Variants in KCNQ1 observed in about 807,000 individuals in gnomAD.
KCNQ1 encodes potassium voltage-gated channel subfamily KQT member 1.
KCNQ1 carries 49 observed loss-of-function variants against 72.4 expected under a neutral mutation model. The ratio of observed to expected loss-of-function variants is 0.68; its 90% CI spans 0.54 to 0.86. KCNQ1 has a LOEUF of 0.86. Ranked by LOEUF, KCNQ1 falls within the 40% of genes least tolerant of loss-of-function variation. The probability of loss-of-function intolerance (pLI) is 0.00; values close to 1 mark genes in which losing one functional copy is unlikely to be tolerated. For synonymous variants in KCNQ1, 450 were observed against 412.6 expected, an observed-to-expected ratio of 1.09 and a Z score of -1.10; for missense variants, 790 against 945.1, an observed-to-expected ratio of 0.84 and a Z score of 2.15.
chr11:2,567,529 G>A lies in KCNQ1; in HGVS notation c.478-3099G>A, dbSNP rs1004262759. 6.6e-6 allele frequency among the ~76,000 whole-genome samples: 1 copy of A among 152,204 alleles called. No homozygotes were observed. Among genetic ancestry groups the A allele is most frequent in the Non-Finnish European group, 1.5e-5 (1 of 68,036 alleles). ...GTTGTCCCACACAGCCCAGGAGAGC[G>A]TTTGAGGCTGATGGTGGTGGAGATA... On this transcript the variant is annotated intron_variant, in intron 2 of 15. Transcript: ENST00000155840. The surrounding 1 kb of genome is among the most constrained non-coding windows in gnomAD (Gnocchi z 6.6).
chr11:2,615,193 G>A (rs1849041564), intron 10 of KCNQ1: 1 of 397,696 alleles, frequency 2.5e-6, no homozygotes. Context: ...TTCCTTCTTG[G>A]GCTGTTCATT....
intron 11 of KCNQ1, among the ~76,000 whole-genome samples, chr11:2,726,167 G>A (rs2133935569): frequency 6.6e-6 from 1 of 152,378 alleles, no homozygotes; most frequent in East Asian, 1.9e-4. Flanking sequence ...ATTGCTTCCA[G>A]CTGGCCAGGG....
At chr11:2,545,233 C>T (rs955776555) in intron 2 of KCNQ1, among the ~76,000 whole-genome samples, 13 of 152,106 alleles carry the variant, frequency 8.5e-5, no homozygotes, top group African/African-American at 3.1e-4. Flanking sequence ...GGGATATTGT[C>T]TATATATTTT....
chr11:2,848,089 C>T lies in KCNQ1; in HGVS notation c.*86C>T. On this transcript the variant is annotated 3_prime_UTR_variant, in exon 16 of 16. Coordinates refer to ENST00000155840, the MANE Select transcript of KCNQ1 (RefSeq NM_000218.3). Reference sequence around the variant, plus strand: ...TGGCCCTCTCTGAAGGAGGCCACCTCCTAAAAGGCCCAGAGAGAAGAGCCC... The same window carrying T: ...TGGCCCTCTCTGAAGGAGGCCACCTTCTAAAAGGCCCAGAGAGAAGAGCCC... 9.1e-7 allele frequency: 1 copy of T among 1,104,886 alleles called. No individual in the cohort carries two copies. Among genetic ancestry groups the T allele is most frequent in the Admixed American group, 2.0e-5 (1 of 50,368 alleles). The allele number at this position is 1,104,886 out of a possible 1,614,324, so 68.4% of individuals were successfully genotyped here. A position where few individuals can be genotyped will look rare whatever the true frequency, so the allele number is the denominator to read the frequency against.
In KCNQ1 at chr11:2,453,630, C is replaced by G. The variant is rs116390613; in HGVS notation, c.386+8146C>G. ...TGTCACTGAGGTCCCTTCTGGCTGG[C>G]AGAAATCCTTTGGCATTTGCTGGTA... On this transcript the variant is annotated intron_variant, in intron 1 of 15. Transcript: ENST00000155840. Among the ~76,000 whole-genome samples, 637 of 152,262 alleles carry G rather than the reference C, an allele frequency of 4.2e-3. 9 individuals carry two copies. Among genetic ancestry groups the G allele is most frequent in the African/African-American group, 0.014 (570 of 41,556 alleles).
chr11:2,607,163 A>G (rs980086310), intron 10 of KCNQ1, among the ~76,000 whole-genome samples: 2 of 152,002 alleles, frequency 1.3e-5, no homozygotes, highest in African/African-American at 2.4e-5. Flanking sequence ...TCGGCCTCCC[A>G]AAGTGCTGGG....
At chr11:2,585,760 G>C (rs181458784) in intron 8 of KCNQ1, among the ~76,000 whole-genome samples, 1 of 152,232 alleles carries the variant, frequency 6.6e-6, no homozygotes, top group Non-Finnish European at 1.5e-5. Flanking sequence ...CTGGTGCCTG[G>C]AGGTGAGGAC....
chr11:2,794,911 C>G (rs1371175667), intron 15 of KCNQ1, among the ~76,000 whole-genome samples: 2 of 152,150 alleles, frequency 1.3e-5, no homozygotes, highest in Non-Finnish European at 2.9e-5. Flanking sequence ...CCAGTGGGGA[C>G]CAATGTACAG....
At chr11:2,625,380 C>G (rs918921779) in intron 10 of KCNQ1, 1 of 398,490 alleles carries the variant, frequency 2.5e-6, no homozygotes, top group African/African-American at 2.1e-5. Context: ...CTTAACCTCC[C>G]ACGTAGCTGA....
chr11:2,811,596 C>T (rs1847486841), intron 15 of KCNQ1, among the ~76,000 whole-genome samples: 1 of 152,248 alleles, frequency 6.6e-6, no homozygotes, highest in Non-Finnish European at 1.5e-5. Flanking sequence ...GGGTGGCTGG[C>T]AGCCACCTTC....
chr11:2,847,855 G>T lies in KCNQ1; in HGVS notation c.1883G>T (p.Gly628Val). 6.4e-7 allele frequency: 1 copy of T among 1,573,894 alleles called. No homozygotes were observed. Among genetic ancestry groups the T allele is most frequent in the South Asian group, 1.2e-5 (1 of 85,962 alleles). The change falls in exon 16 of 16, where the codon GGC becomes GTC. Residue 628 changes from glycine to valine, a missense_variant. Physicochemically the swap from Gly to Val is moderately radical, Grantham distance 109. Around this residue, in one of 5 missense-constraint regions of KCNQ1, gnomAD observed 94 missense variants for 85.2 expected, o/e 1.10. Coordinates refer to ENST00000155840, the MANE Select transcript of KCNQ1 (RefSeq NM_000218.3). Reference protein sequence around the residue: ...SLHGGSTPGSGGPPREGGAHI... With the variant: ...SLHGGSTPGSVGPPREGGAHI... ...CACGGTGGCAGCACCCCCGGCAGCG[G>T]CGGCCCCCCCAGAGAGGGCGGGGCC... is the stretch of plus-strand genomic sequence containing the variant.
Position 2,627,095 on chromosome 11 carries a change from C to T in KCNQ1, c.1394-34866C>T. ...CCTTTATGTCTACTTTAATTTCTTTCAGCATTGTTTTGTAATTTTCATTGT... is the reference window on the plus strand; with the variant it reads ...CCTTTATGTCTACTTTAATTTCTTTTAGCATTGTTTTGTAATTTTCATTGT... On this transcript the variant is annotated intron_variant, in intron 10 of 15. Coordinates refer to ENST00000155840, the MANE Select transcript of KCNQ1 (RefSeq NM_000218.3). The surrounding 1 kb of genome is among the most constrained non-coding windows in gnomAD (Gnocchi z 4.9). 2.5e-6 allele frequency: 1 copy of T among 398,504 alleles called. No individual in the cohort carries two copies. The highest frequency in any genetic ancestry group is 4.4e-6 in the Non-Finnish European group (1 of 226,032). 24.7% of individuals were successfully genotyped at this position (398,504 alleles called of 1,614,324 possible).
Position 2,445,426 on chromosome 11 carries a change from G to T in KCNQ1, c.328G>T (p.Val110Phe). 1 of 1,597,818 alleles carries T rather than the reference G, an allele frequency of 6.3e-7. No individual in the cohort carries two copies. ...VLARTHVQGRVYNFLERPTGW... is the reference protein window; with the variant it reads ...VLARTHVQGRFYNFLERPTGW... ...GGCGCGCACCCACGTCCAGGGCCGC[G>T]TCTACAACTTCCTCGAGCGTCCCAC... is the stretch of plus-strand genomic sequence containing the variant. Residue 110 changes from valine (V) to phenylalanine (F), a missense_variant, in exon 1 of 16, where the codon GTC (valine) becomes TTC (phenylalanine). Transcript: ENST00000155840.
chr11:2,452,913 C>T (rs773658480), intron 1 of KCNQ1, among the ~76,000 whole-genome samples: 1 of 152,194 alleles, frequency 6.6e-6, no homozygotes, highest in African/African-American at 2.4e-5. Flanking sequence ...GACCAGACTG[C>T]ACCCACTTGT....
At position 2,713,439 on chromosome 11, in the gene KCNQ1, C is replaced by G. The variant is rs1395685420; in HGVS notation, c.1514+51358C>G. ...AGCTACAGAAATGGTTTCTTCTCCC[C>G]CAGATTCCAGAACAAGTCACAGCCA... On this transcript the variant is annotated intron_variant, in intron 11 of 15. Coordinates refer to ENST00000155840, the MANE Select transcript of KCNQ1 (RefSeq NM_000218.3). The surrounding 1 kb of genome is among the most constrained non-coding windows in gnomAD (Gnocchi z 5.6). 6.6e-6 allele frequency among the ~76,000 whole-genome samples: 1 copy of G among 152,198 alleles called. No homozygotes were observed. The highest frequency in any genetic ancestry group is 2.4e-5 in the African/African-American group (1 of 41,442).
rs1471920896 is a variant in KCNQ1, at chr11:2,723,699, G to A, written c.1515-45145G>A. On this transcript the variant is annotated intron_variant, in intron 11 of 15. Transcript: ENST00000155840. This position sits in a 1 kb window ranked among gnomAD's most constrained non-coding sequence, Gnocchi z 4.2. ...GGTCCGAGCTGAGTGGTCTAGGATG[G>A]CCTTGCTCCCGGAGAAGACCCTTGG... Among the ~76,000 whole-genome samples, 2 of 152,180 alleles carry A rather than the reference G, an allele frequency of 1.3e-5. No individual in the cohort carries two copies. Among genetic ancestry groups the A allele is most frequent in the Non-Finnish European group, 2.9e-5 (2 of 68,024 alleles).
chr11:2,553,820 A>G (rs1446293290), intron 2 of KCNQ1, among the ~76,000 whole-genome samples: 2 of 151,930 alleles, frequency 1.3e-5, no homozygotes, highest in Non-Finnish European at 2.9e-5. Flanking sequence ...GGCTCAAGTG[A>G]TTCTCCTGCC....
chr11:2,838,199 A>T (rs1330325582), intron 15 of KCNQ1, among the ~76,000 whole-genome samples: 2 of 152,248 alleles, frequency 1.3e-5, no homozygotes, highest in Admixed American at 1.3e-4. Context: ...GATGGAAGGA[A>T]GCCAGACTGA....
In KCNQ1 at chr11:2,704,460, C is replaced by T. The variant is rs765185089; in HGVS notation, c.1514+42379C>T. 1.3e-5 allele frequency among the ~76,000 whole-genome samples: 2 copies of T among 152,224 alleles called. No individual in the cohort carries two copies. Among genetic ancestry groups the T allele is most frequent in the Non-Finnish European group, 2.9e-5 (2 of 68,038 alleles). On this transcript the variant is annotated intron_variant, in intron 11 of 15. Coordinates refer to ENST00000155840, the MANE Select transcript of KCNQ1 (RefSeq NM_000218.3). The surrounding 1 kb of genome is among the most constrained non-coding windows in gnomAD (Gnocchi z 4.3). ...CTCATGTCCCCACCCAAATCACATC[C>T]CCACCAGGATGGGCAGGCTCTGGGT...
Sources: gnomAD v4.1 joint callset for allele counts (sites outside exome capture counted in the v4.1 genomes callset) on GRCh38, gnomAD v4.1.1 for gene constraint, gnomAD v4.1.1 regional missense constraint, Gnocchi (gnomAD v3.1) non-coding constraint, MANE v1.5 for transcripts, NCBI Gene and HGNC (gene_info 2026-07-23, HGNC 2026-07-21) for gene names.